CPVL: variants seen among roughly 807,000 people sequenced by gnomAD.
CPVL encodes the protein carboxypeptidase vitellogenic like, also known as probable serine carboxypeptidase CPVL.
Under a neutral mutation model 63.7 loss-of-function variants are expected in CPVL, and 51 were observed. That is an observed-to-expected ratio of 0.80 (90% CI 0.64 to 1.01). The LOEUF (loss-of-function observed/expected upper bound fraction) is 1.01. CPVL is among the 50% of genes least tolerant of loss of function. The pLI, the probability that CPVL is intolerant of heterozygous loss-of-function variation, is 0.00. For missense variants in CPVL, 530 were observed against 573.1 expected, an observed-to-expected ratio of 0.92 and a Z score of 0.77; for synonymous variants, 195 against 206.0, an observed-to-expected ratio of 0.95 and a Z score of 0.46.
chr7:29,162,661 CAAA>C (rs35159645), intron 5 of CPVL, among the ~76,000 whole-genome samples: 4 of 58,380 alleles, frequency 6.9e-5, no homozygotes, highest in African/African-American at 4.9e-5. Flanking sequence ...AACTCCATCT[CAAA>C]AAAAAAAAAA....
At chr7:29,096,055 G>A (rs1786369388) in intron 4 of CPVL, 48 bp downstream of exon 4, 2 of 1,415,618 alleles carry the variant, frequency 1.4e-6, no homozygotes, top group East Asian at 2.3e-5. Flanking sequence ...GCAGGTATGA[G>A]GCTCAGATGA....
intron 3 of CPVL, among the ~76,000 whole-genome samples, chr7:29,096,840 C>A (rs1786457727): frequency 6.6e-6 from 1 of 152,046 alleles, no homozygotes; most frequent in South Asian, 2.1e-4. Flanking sequence ...AAAAAGTTAG[C>A]CAGGCGTGGT....
At chr7:29,174,608 T>C (rs1562808191) in intron 5 of CPVL, among the ~76,000 whole-genome samples, 2 of 152,116 alleles carry the variant, frequency 1.3e-5, no homozygotes, top group East Asian at 3.9e-4. Context: ...ACGCCTGTAA[T>C]CCAGCACTTT....
At chr7:29,131,400 C>G (rs542703168) in intron 1 of CPVL, among the ~76,000 whole-genome samples, 22 of 152,316 alleles carry the variant, frequency 1.4e-4, no homozygotes, top group African/African-American at 4.8e-4. Context: ...CTCCCTGATT[C>G]TAAAAGAGTG....
At chr7:29,079,763 C>G (rs1465371385) in intron 7 of CPVL, among the ~76,000 whole-genome samples, 1 of 152,178 alleles carries the variant, frequency 6.6e-6, no homozygotes, top group East Asian at 1.9e-4. Flanking sequence ...CCCACCCCAC[C>G]TTGGTTGCCA....
At chr7:29,073,240 C>T (rs1007115196) in intron 7 of CPVL, among the ~76,000 whole-genome samples, 4 of 152,176 alleles carry the variant, frequency 2.6e-5, no homozygotes, top group African/African-American at 4.8e-5. Flanking sequence ...AATCTTGGTG[C>T]CATTCGTTAT....
chr7:29,088,488 C>T (rs956835241), intron 6 of CPVL, among the ~76,000 whole-genome samples: 7 of 151,784 alleles, frequency 4.6e-5, no homozygotes, highest in East Asian at 3.9e-4. Context: ...CACTTAGTAG[C>T]GTGGTAGCAC....
intron 1 of CPVL, among the ~76,000 whole-genome samples, chr7:29,140,907 G>C (rs1403008524): frequency 6.6e-6 from 1 of 152,170 alleles, no homozygotes; most frequent in Non-Finnish European, 1.5e-5. Context: ...AGGATTTTAG[G>C]TATGATCTTA....
intron 1 of CPVL, among the ~76,000 whole-genome samples, chr7:29,128,463 C>T (rs955392656): frequency 6.6e-6 from 1 of 151,974 alleles, no homozygotes; most frequent in African/African-American, 2.4e-5. Context: ...TGCCTGTAAT[C>T]CCAGCACTTT....
intron 12 of CPVL, chr7:29,012,602 T>C (rs894326232): frequency 4.6e-5 from 7 of 152,226 alleles, no homozygotes; most frequent in Non-Finnish European, 1.0e-4. Context: ...TACTACTGAC[T>C]GGAAGACAGA....
At chr7:29,125,537 C>T (rs774314903) in intron 1 of CPVL, among the ~76,000 whole-genome samples, 3 of 152,016 alleles carry the variant, frequency 2.0e-5, no homozygotes, top group Non-Finnish European at 4.4e-5. Context: ...GGATTACAGG[C>T]ACCCACCACT....
intron 1 of CPVL, among the ~76,000 whole-genome samples, chr7:29,131,776 G>A (rs1445632290): frequency 1.3e-5 from 2 of 152,190 alleles, no homozygotes; most frequent in Non-Finnish European, 2.9e-5. Flanking sequence ...GCCTCCCAAA[G>A]TGCTGGAATT....
chr7:29,093,395 A>AG (rs973234141), intron 5 of CPVL, among the ~76,000 whole-genome samples: 5 of 136,570 alleles, frequency 3.7e-5, no homozygotes, highest in East Asian at 2.6e-4. Context: ...AAAAAAAAAA[A>AG]AAAGAAAGAA....
At chr7:29,134,591 A>T (rs1056018998) in intron 1 of CPVL, among the ~76,000 whole-genome samples, 5 of 152,216 alleles carry the variant, frequency 3.3e-5, no homozygotes, top group Non-Finnish European at 7.3e-5. Context: ...ACAGAATAAA[A>T]TACAAGAACA....
In CPVL at chr7:29,123,155, C is replaced by T. The variant is rs142800692; in HGVS notation, c.-10-2084G>A. On this transcript the variant is annotated intron_variant, in intron 1 of 12. Coordinates refer to ENST00000265394, the MANE Select transcript of CPVL (RefSeq NM_031311.5). ...ATTAGAACATCTTAAAAATACAAAA[C>T]GTGTAAAAATCTTTTAACGACATGC... Among the ~76,000 whole-genome samples the T allele has an allele frequency of 2.7e-3, 417 of 152,182 alleles. 4 individuals carry two copies. Among genetic ancestry groups the T allele is most frequent in the Admixed American group, 2.7e-3 (41 of 15,280 alleles).
At chr7:29,091,768 C>G (rs1192658955) in intron 6 of CPVL, among the ~76,000 whole-genome samples, 1 of 152,182 alleles carries the variant, frequency 6.6e-6, no homozygotes, top group Non-Finnish European at 1.5e-5. Context: ...GTAGTTCTTT[C>G]TTCTCTCCCC....
At chr7:28,997,702 A>C (rs1784223180) in intron 12 of CPVL, among the ~76,000 whole-genome samples, 1 of 152,228 alleles carries the variant, frequency 6.6e-6, no homozygotes, top group African/African-American at 2.4e-5. Context: ...GTTTTTAATC[A>C]AACCCTCTAC....
intron 7 of CPVL, among the ~76,000 whole-genome samples, chr7:29,081,827 G>A (rs1784749080): frequency 6.6e-6 from 1 of 152,060 alleles, no homozygotes; most frequent in Admixed American, 6.5e-5. Flanking sequence ...ATCTGAGGAG[G>A]GTTATCTAAT....
intron 3 of CPVL, among the ~76,000 whole-genome samples, chr7:29,097,581 A>G (rs1786569771): frequency 6.6e-6 from 1 of 152,186 alleles, no homozygotes; most frequent in South Asian, 2.1e-4. Flanking sequence ...CTGTAATCCC[A>G]GCTACTTGGG....
Sources: gnomAD v4.1 joint callset for allele counts (sites outside exome capture counted in the v4.1 genomes callset) on GRCh38, gnomAD v4.1.1 for gene constraint, MANE v1.5 for transcripts, NCBI Gene and HGNC (gene_info 2026-07-23, HGNC 2026-07-21) for gene names.